The following TMEM108 variants were observed in gnomAD, a reference collection of about 807,000 sequenced individuals.
TMEM108 encodes the protein cancer/testis antigen 124.
In TMEM108, 12 loss-of-function variants were observed where a neutral mutation model predicts 35.1. The ratio of observed to expected loss-of-function variants is 0.34; its 90% CI spans 0.22 to 0.55. The LOEUF is 0.55. Among genes scored for constraint, TMEM108 ranks in the 20% least tolerant of loss-of-function variants. The probability of loss-of-function intolerance (pLI) is 0.89; values close to 1 mark genes in which losing one functional copy is unlikely to be tolerated. For synonymous variants in TMEM108, 287 were observed against 308.6 expected (o/e 0.93, Z 0.73); for missense variants, 680 against 753.3 (o/e 0.90, Z 1.14).
intron 2 of TMEM108, among the ~76,000 whole-genome samples, chr3:133,129,989 A>T (rs1199072847): frequency 0.012 from 2 of 172 alleles, no homozygotes; most frequent in African/African-American, 0.034. Context: ...ACTAAAAGCA[A>T]AAATATTAAA....
intron 3 of TMEM108, among the ~76,000 whole-genome samples, chr3:133,274,769 A>G (rs1463783754): frequency 1.3e-5 from 2 of 152,158 alleles, no homozygotes; most frequent in Non-Finnish European, 2.9e-5. Context: ...GCCTTGGGTC[A>G]AGGGGTCATA....
rs1044889746 is a variant in TMEM108 at position 133,397,282 on chromosome 3, A to G, written c.*1296A>G. On this transcript the variant is annotated 3_prime_UTR_variant, in exon 6 of 6. Coordinates refer to ENST00000321871, the MANE Select transcript of TMEM108 (RefSeq NM_023943.4). ...AAAAATAGTTTGATAGTATATTTTG[A>G]ATATAGATGCTCTTATAGTCAGATT... 4 of 152,242 alleles carry G rather than the reference A, an allele frequency of 2.6e-5. No homozygotes were observed. Among genetic ancestry groups the G allele is most frequent in the African/African-American group, 9.6e-5 (4 of 41,534 alleles). The allele number at this position is 152,242 out of a possible 1,614,324, so 9.4% of individuals were successfully genotyped here.
At chr3:133,395,754 C>A in intron 5 of TMEM108, 110 bp from the exon 6 acceptor site, 2 of 1,186,038 alleles carry the variant, frequency 1.7e-6, no homozygotes, top group South Asian at 2.8e-5. Context: ...TGAAAATGTG[C>A]ACCAAGCCAT....
At chr3:133,126,420 T>C (rs955906083) in intron 2 of TMEM108, among the ~76,000 whole-genome samples, 2 of 150,630 alleles carry the variant, frequency 1.3e-5, no homozygotes, top group African/African-American at 2.5e-5. Flanking sequence ...TAAGCCGAGA[T>C]AGCGCCACTG....
intron 3 of TMEM108, among the ~76,000 whole-genome samples, chr3:133,265,969 C>G (rs1203612686): frequency 6.6e-6 from 1 of 152,150 alleles, no homozygotes; most frequent in Non-Finnish European, 1.5e-5. Flanking sequence ...ATAAATTCCT[C>G]TTATAATTCA....
At chr3:133,180,922 C>G (rs146101948) in intron 2 of TMEM108, among the ~76,000 whole-genome samples, 1 of 143,812 alleles carries the variant, frequency 7.0e-6, no homozygotes, top group Admixed American at 7.3e-5. Flanking sequence ...AAACTTCACT[C>G]TTAGATTTTT....
At chr3:133,072,078 T>C (rs1378212582) in intron 2 of TMEM108, among the ~76,000 whole-genome samples, 1 of 152,186 alleles carries the variant, frequency 6.6e-6, no homozygotes, top group Non-Finnish European at 1.5e-5. Flanking sequence ...GAAAACACAG[T>C]CCTTTGGTGT....
chr3:133,265,167 A>T (rs1946679998), intron 3 of TMEM108, among the ~76,000 whole-genome samples: 1 of 152,262 alleles, frequency 6.6e-6, no homozygotes, highest in African/African-American at 2.4e-5. Flanking sequence ...CGATTAGCAT[A>T]GATCTGCTAG....
intron 2 of TMEM108, among the ~76,000 whole-genome samples, chr3:133,095,359 G>T (rs10935046): frequency 0.24 from 36,982 of 152,012 alleles, 4,726 homozygotes; most frequent in Admixed American, 0.34. Flanking sequence ...ATTCTCCATA[G>T]TACAGCAAGC....
rs769372032 is a variant in TMEM108, at chr3:133,219,657, CT to C, written c.-46-9608del. ...GTTTGTGAATTTTCTGAAATTCCTC[CT>C]GTTATTGACTTTTAGTATTATACTA... On this transcript the variant is annotated intron_variant, in intron 2 of 5. Coordinates refer to ENST00000321871, the MANE Select transcript of TMEM108 (RefSeq NM_023943.4). Among the ~76,000 whole-genome samples the C allele has an allele frequency of 2.6e-5, 4 of 151,944 alleles. No individual in the cohort carries two copies. The East Asian group carries it at 7.7e-4, about 29-fold the overall frequency.
At chr3:133,378,073 A>G (rs951346046) in intron 3 of TMEM108, among the ~76,000 whole-genome samples, 2 of 152,192 alleles carry the variant, frequency 1.3e-5, no homozygotes, top group African/African-American at 4.8e-5. Context: ...CCTGGTGCCA[A>G]AAAGGTTGGG....
chr3:133,303,149 T>C (rs976100518), intron 3 of TMEM108: 1 of 152,164 alleles, frequency 6.6e-6, no homozygotes, highest in East Asian at 1.9e-4. Context: ...CTTAACTGAT[T>C]TTTTAGTGGT....
chr3:133,352,253 A>C (rs1576486791), intron 3 of TMEM108, among the ~76,000 whole-genome samples: 1 of 152,156 alleles, frequency 6.6e-6, no homozygotes, highest in East Asian at 1.9e-4. Flanking sequence ...TAGAAAACGC[A>C]GGTTCAAGTT....
At chr3:133,077,946 G>A (rs889173376) in intron 2 of TMEM108, among the ~76,000 whole-genome samples, 2 of 152,160 alleles carry the variant, frequency 1.3e-5, no homozygotes, top group Non-Finnish European at 2.9e-5. Flanking sequence ...GGCATTCAGA[G>A]TGATCACCCC....
At chr3:133,154,299 T>C (rs1944844854) in intron 2 of TMEM108, among the ~76,000 whole-genome samples, 1 of 152,086 alleles carries the variant, frequency 6.6e-6, no homozygotes, top group Admixed American at 6.6e-5. Context: ...TTTAATTAGA[T>C]CCCATTTGTC....
chr3:133,119,022 A>C (rs928284846), intron 2 of TMEM108: 1 of 152,112 alleles, frequency 6.6e-6, no homozygotes, highest in Non-Finnish European at 1.5e-5. Context: ...AATGTTTGTT[A>C]ACATTTTTTT....
intron 3 of TMEM108, among the ~76,000 whole-genome samples, chr3:133,270,792 T>A (rs1364899820): frequency 1.4e-5 from 1 of 69,268 alleles, no homozygotes; most frequent in African/African-American, 6.1e-5. Context: ...GTTCGAAGAA[T>A]GTACACACAC....
intron 2 of TMEM108, among the ~76,000 whole-genome samples, chr3:133,095,954 G>A (rs532524985): frequency 2.4e-4 from 37 of 152,254 alleles, no homozygotes; most frequent in Non-Finnish European, 4.0e-4. Context: ...TTGTTGCCTC[G>A]CAAATATTCT....
At chr3:133,351,423 C>A (rs552741033) in intron 3 of TMEM108, among the ~76,000 whole-genome samples, 1 of 152,248 alleles carries the variant, frequency 6.6e-6, no homozygotes, top group East Asian at 1.9e-4. Context: ...GGCCTCTCCC[C>A]ACTTTTGTTT....
Sources: gnomAD v4.1 joint callset for allele counts (sites outside exome capture counted in the v4.1 genomes callset) on GRCh38, gnomAD v4.1.1 for gene constraint, MANE v1.5 for transcripts, NCBI Gene and HGNC (gene_info 2026-07-23, HGNC 2026-07-21) for gene names.